The following LSAMP variants were observed in gnomAD, a reference collection of about 807,000 sequenced individuals.
LSAMP encodes the protein limbic system associated membrane protein.
In LSAMP, 7 loss-of-function variants were observed where a neutral mutation model predicts 38.6. The ratio of observed to expected loss-of-function variants is 0.18; its 90% CI spans 0.10 to 0.34. The LOEUF is 0.34. Ranked by LOEUF, LSAMP falls within the 10% of genes least tolerant of loss-of-function variation. The pLI, the probability that LSAMP is intolerant of heterozygous loss-of-function variation, is 1.00. For missense variants in LSAMP, 313 were observed against 420.0 expected, an observed-to-expected ratio of 0.75 and a Z score of 2.23; for synonymous variants, 154 against 166.8, an observed-to-expected ratio of 0.92 and a Z score of 0.59.
At chr3:116,246,629 C>T (rs1054486854) in intron 1 of LSAMP, among the ~76,000 whole-genome samples, 75 of 152,240 alleles carry the variant, frequency 4.9e-4, no homozygotes, top group African/African-American at 1.7e-3. Context: ...TTTTCAGCAC[C>T]GTGATAAACA....
chr3:115,946,887 A>T (rs1392418625), intron 3 of LSAMP, among the ~76,000 whole-genome samples: 1 of 152,122 alleles, frequency 6.6e-6, no homozygotes, highest in African/African-American at 2.4e-5. Context: ...CTAAAATATC[A>T]GCATGTCAAA....
At chr3:116,228,933 T>G (rs569540887) in intron 1 of LSAMP, among the ~76,000 whole-genome samples, 2 of 152,228 alleles carry the variant, frequency 1.3e-5, no homozygotes, top group East Asian at 3.9e-4. Flanking sequence ...AAATATCAGT[T>G]CTATCACATT....
chr3:116,385,176 G>A (rs1277943474), intron 1 of LSAMP, among the ~76,000 whole-genome samples: 1 of 151,872 alleles, frequency 6.6e-6, no homozygotes, highest in Non-Finnish European at 1.5e-5. Flanking sequence ...CTTTCCCTAA[G>A]AGTCTAAAAA....
At chr3:116,072,899 C>G (rs2107385927) in intron 2 of LSAMP, among the ~76,000 whole-genome samples, 1 of 152,072 alleles carries the variant, frequency 6.6e-6, no homozygotes, top group Admixed American at 6.5e-5. Flanking sequence ...TGCAGAAGCA[C>G]TTTAGTTTAA....
intron 1 of LSAMP, among the ~76,000 whole-genome samples, chr3:116,348,111 C>T (rs1220568649): frequency 6.6e-6 from 1 of 151,796 alleles, no homozygotes; most frequent in South Asian, 2.1e-4. Context: ...ACAGTTTGAA[C>T]CATCAACTAT....
chr3:116,125,168 A>G (rs938873386), intron 1 of LSAMP, among the ~76,000 whole-genome samples: 1 of 152,182 alleles, frequency 6.6e-6, no homozygotes, highest in Non-Finnish European at 1.5e-5. Context: ...ACAGTGACAA[A>G]TTCATTTTCA....
At chr3:116,085,528 A>T (rs1327097857) in intron 2 of LSAMP, among the ~76,000 whole-genome samples, 1 of 152,186 alleles carries the variant, frequency 6.6e-6, no homozygotes, top group East Asian at 1.9e-4. Context: ...TAGTGCTTAG[A>T]TCTTTCCTGA....
chr3:115,941,984 C>T (rs980746706), intron 3 of LSAMP, among the ~76,000 whole-genome samples: 7 of 151,444 alleles, frequency 4.6e-5, no homozygotes, highest in Non-Finnish European at 5.9e-5. Flanking sequence ...TAATCTTTGT[C>T]AATTAGATAT....
chr3:116,199,320 A>T (rs1300563638), intron 1 of LSAMP, among the ~76,000 whole-genome samples: 1 of 152,206 alleles, frequency 6.6e-6, no homozygotes, highest in Non-Finnish European at 1.5e-5. Context: ...TCCTTCCAGG[A>T]TGCCTTTCCT....
At chr3:115,871,251 C>G (rs922182318) in intron 3 of LSAMP, among the ~76,000 whole-genome samples, 1 of 152,006 alleles carries the variant, frequency 6.6e-6, no homozygotes, top group Non-Finnish European at 1.5e-5. Flanking sequence ...CAGTTTAAAC[C>G]TGAAACACAG....
intron 1 of LSAMP, among the ~76,000 whole-genome samples, chr3:116,187,768 G>C (rs1710654564): frequency 6.6e-6 from 1 of 151,986 alleles, no homozygotes; most frequent in South Asian, 2.1e-4. Context: ...GTTACAGAAG[G>C]GATAATCTTC....
chr3:116,334,175 A>T (rs1316380649), intron 1 of LSAMP, among the ~76,000 whole-genome samples: 1 of 152,050 alleles, frequency 6.6e-6, no homozygotes, highest in Non-Finnish European at 1.5e-5. Context: ...GAAACACAAC[A>T]CCTGCCAAGA....
chr3:116,066,355 T>C (rs367554534), intron 2 of LSAMP, among the ~76,000 whole-genome samples: 4 of 152,220 alleles, frequency 2.6e-5, no homozygotes, highest in South Asian at 2.1e-4. Context: ...ATGACAAGAA[T>C]GTTCTTCAGG....
At chr3:115,877,920 C>T (rs974019025) in intron 3 of LSAMP, among the ~76,000 whole-genome samples, 1 of 151,920 alleles carries the variant, frequency 6.6e-6, no homozygotes, top group Non-Finnish European at 1.5e-5. Flanking sequence ...GCTAAGCAAG[C>T]AAATGATGAC....
chr3:115,936,939 A>G (rs1048793611), intron 3 of LSAMP, among the ~76,000 whole-genome samples: 1 of 152,158 alleles, frequency 6.6e-6, no homozygotes, highest in African/African-American at 2.4e-5. Context: ...TCATTTAGTT[A>G]AGTGCATAAG....
chr3:115,889,822 T>C (rs1936550276), intron 3 of LSAMP, among the ~76,000 whole-genome samples: 1 of 151,956 alleles, frequency 6.6e-6, no homozygotes, highest in African/African-American at 2.4e-5. Flanking sequence ...GCAAAACGAA[T>C]CCTGTCTGTG....
chr3:116,286,888 A>G (rs1254474689), intron 1 of LSAMP, among the ~76,000 whole-genome samples: 1 of 141,900 alleles, frequency 7.0e-6, no homozygotes, highest in Admixed American at 6.9e-5. Flanking sequence ...TTATCTCTCA[A>G]GTTAAAAAAA....
At position 115,955,954 on chromosome 3, in the gene LSAMP, T is replaced by C. The variant is rs142173763; in HGVS notation, c.514+63561A>G. On this transcript the variant is annotated intron_variant, in intron 3 of 6. Coordinates refer to ENST00000490035, the MANE Select transcript of LSAMP (RefSeq NM_002338.5). ...CATTAGGCCAGCATCAGGCATTTTT[T>C]TAAAAGAGTTTTTATAGAAAATTCA... Among the ~76,000 whole-genome samples, 477 of 152,244 alleles carry C rather than the reference T, an allele frequency of 3.1e-3. 3 individuals carry two copies. Among genetic ancestry groups the C allele is most frequent in the African/African-American group, 0.011 (442 of 41,542 alleles).
intron 3 of LSAMP, among the ~76,000 whole-genome samples, chr3:115,934,192 T>A (rs1344395293): frequency 6.6e-6 from 1 of 151,232 alleles, no homozygotes; most frequent in African/African-American, 2.4e-5. Context: ...ATTTTATTTT[T>A]TTTTCAGTCA....
Sources: gnomAD v4.1 joint callset for allele counts (sites outside exome capture counted in the v4.1 genomes callset) on GRCh38, gnomAD v4.1.1 for gene constraint, MANE v1.5 for transcripts, NCBI Gene and HGNC (gene_info 2026-07-23, HGNC 2026-07-21) for gene names.